SCN9A: variants seen among roughly 807,000 people sequenced by gnomAD.
SCN9A encodes sodium voltage-gated channel alpha subunit 9, also known as sodium channel protein type 9 subunit alpha.
SCN9A carries 131 observed loss-of-function variants against 187.0 expected under a neutral mutation model. The observed-to-expected ratio is 0.70, with a 90% confidence interval of 0.61 to 0.81. SCN9A has a LOEUF of 0.81. SCN9A is among the 30% of genes least tolerant of loss of function. SCN9A has a pLI of 0.00. For synonymous variants in SCN9A, 809 were observed against 808.6 expected, an observed-to-expected ratio of 1.00 and a Z score of -0.01; for missense variants, 2,252 against 2,396.6, an observed-to-expected ratio of 0.94 and a Z score of 1.26.
At chr2:166,276,856 A>G (rs1309567477) in intron 16 of SCN9A, 127 bp downstream of exon 16, 29 of 743,410 alleles carry the variant, frequency 3.9e-5, no homozygotes, top group Admixed American at 1.6e-4. Flanking sequence ...TATTAAAATT[A>G]TCACTATTCT....
chr2:166,202,172 T>G lies in SCN9A; in HGVS notation c.4774+1783A>C, dbSNP rs568118889. 2.0e-5 allele frequency among the ~76,000 whole-genome samples: 3 copies of G among 151,806 alleles called. No homozygotes were observed. The East Asian group carries it at 5.8e-4, about 29-fold the overall frequency. ...ATGATTTTTTCCCCAAAGAATATTT[T>G]GTTTTTTTGTGCAGTCATTTCTTCT... On this transcript the variant is annotated intron_variant, in intron 26 of 26. Transcript: ENST00000642356.
intron 17 of SCN9A, among the ~76,000 whole-genome samples, chr2:166,265,889 T>C (rs528683201): frequency 1.3e-5 from 2 of 152,090 alleles, no homozygotes; most frequent in South Asian, 4.1e-4. Flanking sequence ...TCAGGTCTTT[T>C]GTCCATTTTT....
intron 18 of SCN9A, among the ~76,000 whole-genome samples, chr2:166,244,139 T>C (rs1695685207): frequency 6.6e-6 from 1 of 152,024 alleles, no homozygotes; most frequent in Non-Finnish European, 1.5e-5. Context: ...CTGTGAATTG[T>C]TTAAATACAG....
intron 24 of SCN9A, among the ~76,000 whole-genome samples, chr2:166,211,061 C>T (rs1160968088): frequency 3.1e-5 from 1 of 32,332 alleles, no homozygotes; most frequent in Non-Finnish European, 5.5e-5. Context: ...AACTCTATCT[C>T]GGAAAAAAAA....
intron 17 of SCN9A, among the ~76,000 whole-genome samples, chr2:166,256,325 A>AG (rs1696273242): frequency 6.6e-6 from 1 of 151,130 alleles, no homozygotes; most frequent in African/African-American, 2.4e-5. Flanking sequence ...GGGCCCCTTG[A>AG]GGTCTCTACA....
chr2:166,208,999 C>A (rs892780734), intron 24 of SCN9A, among the ~76,000 whole-genome samples: 4 of 152,146 alleles, frequency 2.6e-5, no homozygotes, highest in Non-Finnish European at 5.9e-5. Context: ...CACTAGGGTC[C>A]AGTTTCACTC....
intron 18 of SCN9A, among the ~76,000 whole-genome samples, chr2:166,243,328 T>C (rs7586035): frequency 0.83 from 125,852 of 152,050 alleles, 52,405 homozygotes; most frequent in East Asian, 0.94. Flanking sequence ...TACGTATCTT[T>C]TATGTATTCA....
rs1248310095 is a variant in SCN9A at position 166,307,063 on chromosome 2, T to C, written c.270A>G (p.Val90=). 3 of 1,592,620 alleles carry C rather than the reference T, an allele frequency of 1.9e-6. No homozygotes were observed. The highest frequency in any genetic ancestry group is 2.6e-6 in the Non-Finnish European group (3 of 1,161,568). ...GGAAGATTGTTTTCCCTTTGTTCAA[T>C]ACTATGAAAGTCTGCAGGAGGAAAA... ...PYYADKKTFI[V]LNKGKTIFRF... The change falls in exon 3 of 27, where the codon GTA becomes GTG. Residue 90 remains valine (V), a synonymous_variant. Transcript: ENST00000642356.
intron 1 of SCN9A, among the ~76,000 whole-genome samples, chr2:166,351,348 C>G (rs1373391406): frequency 2.0e-5 from 3 of 152,152 alleles, no homozygotes; most frequent in African/African-American, 4.8e-5. Flanking sequence ...CTTCCTGCAA[C>G]TGAGCTGAGG....
rs1700675792 is a variant in SCN9A at position 166,375,811 on chromosome 2, G to T, written c.-165C>A. On this transcript the variant is annotated 5_prime_UTR_variant, in exon 1 of 27. Coordinates refer to ENST00000642356, the MANE Select transcript of SCN9A (RefSeq NM_001365536.1). ...CTCTCAGGGCTGCTTCTTTTTCTCT[G>T]GGCTCCTGTTGCTCAGGGGACGCCT... 1 of 152,274 alleles carries T rather than the reference G, an allele frequency of 6.6e-6. No individual in the cohort carries two copies. Among genetic ancestry groups the T allele is most frequent in the South Asian group, 2.1e-4 (1 of 4,824 alleles). The allele number at this position is 152,274 out of a possible 1,614,324, so 9.4% of individuals were successfully genotyped here. A position where few individuals can be genotyped will look rare whatever the true frequency, so the allele number is the denominator to read the frequency against.
At chr2:166,338,531 T>C (rs904789044) in intron 1 of SCN9A, among the ~76,000 whole-genome samples, 2 of 152,106 alleles carry the variant, frequency 1.3e-5, no homozygotes, top group Admixed American at 1.3e-4. Context: ...GGAGCAAAAA[T>C]AGTACTAAAT....
chr2:166,313,048 AAAG>A (rs1245726513), intron 1 of SCN9A, among the ~76,000 whole-genome samples: 5 of 117,096 alleles, frequency 4.3e-5, no homozygotes, highest in African/African-American at 2.1e-4. Context: ...TCTGAATAGT[AAAG>A]AATATAATTA....
At chr2:166,367,550 C>G (rs1450320383) in intron 1 of SCN9A, among the ~76,000 whole-genome samples, 1 of 152,168 alleles carries the variant, frequency 6.6e-6, no homozygotes, top group Non-Finnish European at 1.5e-5. Flanking sequence ...CGGGCGTAAG[C>G]CACCGCGCCT....
chr2:166,205,438 CT>C (rs1693752535), intron 24 of SCN9A, among the ~76,000 whole-genome samples: 1 of 152,120 alleles, frequency 6.6e-6, no homozygotes, highest in Admixed American at 6.6e-5. Context: ...ATAAATGATG[CT>C]GGGAAAACTG....
rs1317730610 is a variant in SCN9A at position 166,304,219 on chromosome 2, C to G, written c.688+19G>C. On this transcript the variant is annotated intron_variant, in intron 6 of 26. Coordinates refer to ENST00000642356, the MANE Select transcript of SCN9A (RefSeq NM_001365536.1). ...TGGAGTTATGAGTGGCCTAATGCTT[C>G]ACACCAATTACTTCTTACCTGGGAT... 1 of 1,611,628 alleles carries G rather than the reference C, an allele frequency of 6.2e-7. No individual in the cohort carries two copies. Among genetic ancestry groups the G allele is most frequent in the Admixed American group, 1.7e-5 (1 of 59,892 alleles).
rs1698769871 is a variant in SCN9A at position 166,306,690 on chromosome 2, A to G, written c.378-91T>C. ...GTTGAAATGCTTACAACTTTTCCTAAGAAAAAAATTCTAAATGAGCTTGTA... is the reference window on the plus strand; with the variant it reads ...GTTGAAATGCTTACAACTTTTCCTAGGAAAAAAATTCTAAATGAGCTTGTA... On this transcript the variant is annotated intron_variant, in intron 3 of 26. Coordinates refer to ENST00000642356, the MANE Select transcript of SCN9A (RefSeq NM_001365536.1). The G allele has an allele frequency of 5.6e-6, 5 of 899,718 alleles. No homozygotes were observed. In the South Asian group the frequency reaches 7.2e-5, roughly 13 times the overall value. The allele number at this position is 899,718 out of a possible 1,614,324, so 55.7% of individuals were successfully genotyped here. A position where few individuals can be genotyped will look rare whatever the true frequency, so the allele number is the denominator to read the frequency against.
In SCN9A at chr2:166,242,542, C is replaced by T. The variant is rs1249809900; in HGVS notation, c.3587G>A (p.Ser1196Asn). 3 of 1,595,984 alleles carry T rather than the reference C, an allele frequency of 1.9e-6. No individual in the cohort carries two copies. Among genetic ancestry groups the T allele is most frequent in the Non-Finnish European group, 2.6e-6 (3 of 1,170,674 alleles). The change falls in exon 19 of 27, where the codon AGC (serine) becomes AAC (asparagine). Residue 1196 changes from serine to asparagine, a missense_variant. By Grantham distance (46) the Ser-to-Asn change is conservative. Coordinates refer to ENST00000642356, the MANE Select transcript of SCN9A (RefSeq NM_001365536.1). ...YKIVEHSWFE[S>N]FIVLMILLSS... ...GAGCAGGATCATGAGGACAATGAAGCTTTCAAACCAACTGTGTTCAACAAT... is the reference window on the plus strand; with the variant it reads ...GAGCAGGATCATGAGGACAATGAAGTTTTCAAACCAACTGTGTTCAACAAT...
chr2:166,364,158 GT>G (rs1199972055), intron 1 of SCN9A, among the ~76,000 whole-genome samples: 1 of 128,082 alleles, frequency 7.8e-6, no homozygotes, highest in East Asian at 2.1e-4. Context: ...GATGGTTATT[GT>G]TTAAAAAAAA....
intron 1 of SCN9A, among the ~76,000 whole-genome samples, chr2:166,357,680 C>T (rs1396367989): frequency 3.3e-5 from 5 of 152,110 alleles, no homozygotes; most frequent in Non-Finnish European, 7.4e-5. Context: ...TCTTAATGAC[C>T]AACTTCTTCA....
Sources: allele counts gnomAD v4.1 joint callset (sites outside exome capture counted in the v4.1 genomes callset), GRCh38; gene constraint gnomAD v4.1.1; transcripts MANE v1.5; gene names NCBI Gene and HGNC (gene_info 2026-07-23, HGNC 2026-07-21).